The following MAST4 variants were observed in gnomAD, a reference collection of about 807,000 sequenced individuals.
MAST4 encodes microtubule-associated serine/threonine-protein kinase 4.
MAST4 carries 89 observed loss-of-function variants against 162.7 expected under a neutral mutation model. That is an observed-to-expected ratio of 0.55 (90% confidence interval 0.46 to 0.65). The LOEUF (loss-of-function observed/expected upper bound fraction) is 0.65, where lower values mean the gene tolerates loss of function less well. Among genes scored for constraint, MAST4 ranks in the 30% least tolerant of loss-of-function variants. The pLI, the probability that MAST4 is intolerant of heterozygous loss-of-function variation, is 0.00. For synonymous variants in MAST4, 1,479 were observed against 1,361.1 expected, an observed-to-expected ratio of 1.09 and a Z score of -1.91; for missense variants, 3,153 against 3,374.0, an observed-to-expected ratio of 0.93 and a Z score of 1.62.
intron 1 of MAST4, among the ~76,000 whole-genome samples, 200 bp downstream of exon 1, chr5:66,597,218 C>T (rs1293174158): frequency 1.3e-5 from 2 of 152,196 alleles, no homozygotes; most frequent in Non-Finnish European, 2.9e-5. Context: ...CTGTTACCCC[C>T]GTGTGTGTGT....
chr5:66,942,160 G>A (rs919363264), intron 4 of MAST4, among the ~76,000 whole-genome samples: 2 of 151,998 alleles, frequency 1.3e-5, no homozygotes, highest in Non-Finnish European at 2.9e-5. Context: ...CTCTATGCAG[G>A]GTTACCATAC....
intron 2 of MAST4, among the ~76,000 whole-genome samples, chr5:66,783,880 A>G (rs1317556710): frequency 6.6e-6 from 1 of 151,990 alleles, no homozygotes; most frequent in African/African-American, 2.4e-5. Context: ...TTCCCCAGCA[A>G]TGGGTGCTGG....
chr5:66,837,101 T>C (rs1424189292), intron 3 of MAST4, among the ~76,000 whole-genome samples: 1 of 149,522 alleles, frequency 6.7e-6, no homozygotes, highest in Non-Finnish European at 1.5e-5. Context: ...ATTCATGAGC[T>C]TTTGAATGTT....
chr5:66,744,743 C>G (rs1281301832), intron 1 of MAST4, among the ~76,000 whole-genome samples: 1 of 152,166 alleles, frequency 6.6e-6, no homozygotes, highest in Non-Finnish European at 1.5e-5. Context: ...ATGGCACTAA[C>G]CCATTCATGA....
chr5:66,773,280 T>G (rs574464063), intron 2 of MAST4, among the ~76,000 whole-genome samples: 2 of 152,348 alleles, frequency 1.3e-5, no homozygotes, highest in Middle Eastern at 3.4e-3. Context: ...GTCATTGTCA[T>G]GTTCCATTGT....
At chr5:67,126,084 C>T (rs1379920432) in intron 14 of MAST4, among the ~76,000 whole-genome samples, 6 of 151,412 alleles carry the variant, frequency 4.0e-5, no homozygotes, top group African/African-American at 9.7e-5. Flanking sequence ...CACTTTTTGA[C>T]GGAGTTGTTT....
chr5:66,985,446 A>T (rs571755567), intron 4 of MAST4, among the ~76,000 whole-genome samples: 1 of 152,300 alleles, frequency 6.6e-6, no homozygotes, highest in African/African-American at 2.4e-5. Context: ...CTGCTGGGCA[A>T]ATTGGAGTTC....
At position 66,597,096 on chromosome 5, in the gene MAST4, T is replaced by C. The variant is rs1742231124; in HGVS notation, c.363+78T>C. On this transcript the variant is annotated intron_variant, in intron 1 of 28. Coordinates refer to ENST00000403625, the MANE Select transcript of MAST4 (RefSeq NM_001164664.2). ...AGTTTCCCATCCTGCGCACAGGCAG[T>C]GGGCAGGAGAGCGCTGTGGCCTGGA... 2.3e-6 allele frequency: 3 copies of C among 1,311,748 alleles called. No individual in the cohort carries two copies. The East Asian group carries it at 9.5e-5, about 41-fold the overall frequency. The allele number at this position is 1,311,748 out of a possible 1,614,324, so 81.3% of individuals were successfully genotyped here. A position where few individuals can be genotyped will look rare whatever the true frequency, so the allele number is the denominator to read the frequency against.
chr5:67,033,310 T>C (rs557910179), intron 4 of MAST4, among the ~76,000 whole-genome samples: 1 of 127,662 alleles, frequency 7.8e-6, no homozygotes, highest in East Asian at 2.0e-4. Context: ...TGGGTTTTCA[T>C]TTCTCTGTGT....
At chr5:66,879,390 A>T (rs1044905812) in intron 3 of MAST4, among the ~76,000 whole-genome samples, 2 of 151,864 alleles carry the variant, frequency 1.3e-5, no homozygotes, top group Admixed American at 1.3e-4. Context: ...ACATACACAA[A>T]TTACCTATTG....
At chr5:67,094,147 C>A (rs1432234684) in intron 6 of MAST4, 4 of 1,493,070 alleles carry the variant, frequency 2.7e-6, no homozygotes, top group South Asian at 1.3e-5. Context: ...GTACTCCAAT[C>A]ATGGTACAGA....
chr5:66,837,004 G>C (rs1037801555), intron 3 of MAST4, among the ~76,000 whole-genome samples: 3 of 148,096 alleles, frequency 2.0e-5, no homozygotes, highest in Admixed American at 2.0e-4. Context: ...ATGTGTCTGG[G>C]TAAAAGACCA....
At chr5:66,620,043 G>T (rs887578813) in intron 1 of MAST4, among the ~76,000 whole-genome samples, 4 of 101,866 alleles carry the variant, frequency 3.9e-5, no homozygotes, top group Admixed American at 1.2e-4. Context: ...AAAGACTTAG[G>T]TTGCTTTTTT....
At chr5:66,986,309 C>G (rs188548958) in intron 4 of MAST4, 1 of 513,704 alleles carries the variant, frequency 1.9e-6, no homozygotes, top group Non-Finnish European at 3.4e-6. Flanking sequence ...GAAACTGAGC[C>G]CAAGCGGGAC....
intron 15 of MAST4, 71 bp from the exon 16 acceptor site, chr5:67,131,742 C>T: frequency 6.7e-7 from 1 of 1,498,998 alleles, no homozygotes; most frequent in Admixed American, 1.8e-5. Flanking sequence ...CCTTGAAATT[C>T]TGCAGTCTAA....
chr5:66,919,137 C>CAA (rs1554068326), intron 4 of MAST4, among the ~76,000 whole-genome samples: 2 of 150,260 alleles, frequency 1.3e-5, no homozygotes, highest in Non-Finnish European at 3.0e-5. Flanking sequence ...CACACACACA[C>CAA]AAATTTGAGA....
chr5:67,089,728 C>T (rs1329785929), intron 5 of MAST4, among the ~76,000 whole-genome samples: 1 of 152,142 alleles, frequency 6.6e-6, no homozygotes, highest in Non-Finnish European at 1.5e-5. Context: ...CTACTGTAAA[C>T]AAAAAGTACT....
intron 4 of MAST4, among the ~76,000 whole-genome samples, chr5:66,975,557 A>C (rs915613982): frequency 6.6e-6 from 1 of 152,198 alleles, no homozygotes; most frequent in Non-Finnish European, 1.5e-5. Flanking sequence ...AGTTTAAAAA[A>C]GACAGACCAC....
chr5:67,161,872 G>A (rs1298835864), intron 27 of MAST4, among the ~76,000 whole-genome samples: 1 of 152,172 alleles, frequency 6.6e-6, no homozygotes, highest in Non-Finnish European at 1.5e-5. Flanking sequence ...TTAAGCTTAT[G>A]TGGAGTGGGT....
Sources: gnomAD v4.1 joint callset for allele counts (sites outside exome capture counted in the v4.1 genomes callset) on GRCh38, gnomAD v4.1.1 for gene constraint, MANE v1.5 for transcripts, NCBI Gene and HGNC (gene_info 2026-07-23, HGNC 2026-07-21) for gene names.